The following ANKRD12 variants were observed in gnomAD, a reference collection of about 807,000 sequenced individuals.
ANKRD12 encodes the protein ankyrin repeat domain-containing protein 12.
In ANKRD12, 85 loss-of-function variants were observed where a neutral mutation model predicts 183.4. That is an observed-to-expected ratio of 0.46 (90% CI 0.39 to 0.56). The LOEUF is 0.56. Ranked by LOEUF, ANKRD12 falls within the 20% of genes least tolerant of loss-of-function variation. ANKRD12 has a pLI of 0.00. For synonymous variants in ANKRD12, 914 were observed against 800.2 expected (o/e 1.14, Z -2.40); for missense variants, 2,405 against 2,357.1 (o/e 1.02, Z -0.42).
chr18:9,198,835 C>T (rs2035000017), intron 3 of ANKRD12, among the ~76,000 whole-genome samples: 1 of 152,126 alleles, frequency 6.6e-6, no homozygotes, highest in Non-Finnish European at 1.5e-5. Context: ...AGTGAGCCAA[C>T]ATGCCTGGCC....
chr18:9,169,574 C>T (rs1160343441), intron 1 of ANKRD12, among the ~76,000 whole-genome samples: 2 of 152,142 alleles, frequency 1.3e-5, no homozygotes, highest in East Asian at 3.8e-4. Flanking sequence ...GGTAGATCTT[C>T]CTCCATCCCT....
At position 9,159,590 on chromosome 18, in the gene ANKRD12, C is replaced by A. The variant is rs2031106335; in HGVS notation, c.-52+22625C>A. Among the ~76,000 whole-genome samples, 3 of 109,704 alleles carry A rather than the reference C, an allele frequency of 2.7e-5. No homozygotes were observed. The Admixed American group carries it at 2.9e-4, about 11-fold the overall frequency. The allele number at this position is 109,704 out of a possible 152,430, so 72.0% of individuals were successfully genotyped here. A position where few individuals can be genotyped will look rare whatever the true frequency, so the allele number is the denominator to read the frequency against. On this transcript the variant is annotated intron_variant, in intron 1 of 12. Coordinates refer to ENST00000262126, the MANE Select transcript of ANKRD12 (RefSeq NM_015208.5). ...GGGACTACAGGCGCCTGCCACCACG[C>A]CTGGCTAAATTTTTTTTTTTTTGTA...
chr18:9,255,641 G>A lies in ANKRD12; in HGVS notation c.2374G>A (p.Ala792Thr). The stretch of plus-strand genomic sequence containing the variant: ...AGAATTTACTTCTTTGGGTATGAGT[G>A]CCATTGAGGAATCTATAGGGCTTCA... ...DSEFTSLGMS[A>T]IEESIGLHLV... is the part of the protein sequence containing the mutation. The change falls in exon 9 of 13, where the codon GCC becomes ACC. Residue 792 changes from alanine (A) to threonine (T), a missense_variant. By Grantham distance (58) the Ala-to-Thr change is moderately conservative (BLOSUM62 0). This residue lies in a region of ANKRD12 where 1,983 missense variants were observed against 1,725.9 expected (regional missense o/e 1.15). Coordinates refer to ENST00000262126, the MANE Select transcript of ANKRD12 (RefSeq NM_015208.5). 1 of 1,576,762 alleles carries A rather than the reference G, an allele frequency of 6.3e-7. No individual in the cohort carries two copies. The highest frequency in any genetic ancestry group is 8.5e-7 in the Non-Finnish European group (1 of 1,170,494).
rs1449986379 is a variant in ANKRD12, at chr18:9,258,834, T to C, written c.5567T>C (p.Val1856Ala). 2 of 1,613,842 alleles carry C rather than the reference T, an allele frequency of 1.2e-6. No homozygotes were observed. Among genetic ancestry groups the C allele is most frequent in the Non-Finnish European group, 1.7e-6 (2 of 1,179,874 alleles). ...IEEKRKLLCS[V>A]IPQAPQYYDE... ...GAAAAACGCAAATTACTGTGTAGTGTGATTCCTCAAGCACCTCAGTACTAT... is the reference window on the plus strand; with the variant it reads ...GAAAAACGCAAATTACTGTGTAGTGCGATTCCTCAAGCACCTCAGTACTAT... Residue 1856 changes from valine (V) to alanine (A), a missense_variant, in exon 9 of 13, where the codon GTG becomes GCG. Transcript: ENST00000262126.
chr18:9,163,400 G>GT (rs2031674157), intron 1 of ANKRD12, among the ~76,000 whole-genome samples: 1 of 152,184 alleles, frequency 6.6e-6, no homozygotes, highest in African/African-American at 2.4e-5. Context: ...CCATTGGTCT[G>GT]TGTGTCTGTT....
chr18:9,202,164 A>T (rs2035211450), intron 3 of ANKRD12, among the ~76,000 whole-genome samples: 1 of 152,202 alleles, frequency 6.6e-6, no homozygotes, highest in African/African-American at 2.4e-5. Context: ...TTATGAGAAA[A>T]TTCAGAGAAC....
intron 1 of ANKRD12, among the ~76,000 whole-genome samples, chr18:9,142,089 A>G (rs768945459): frequency 1.3e-5 from 2 of 152,080 alleles, no homozygotes; most frequent in Non-Finnish European, 2.9e-5. Flanking sequence ...AACAATAGCA[A>G]AGAGTTACAA....
intron 5 of ANKRD12, among the ~76,000 whole-genome samples, chr18:9,210,539 G>T (rs182136060): frequency 0.014 from 2,135 of 151,710 alleles, 52 homozygotes; most frequent in African/African-American, 0.05. Flanking sequence ...TGGCCAACAT[G>T]GTGAAACCCT....
chr18:9,207,597 A>G (rs1318981764), intron 4 of ANKRD12, among the ~76,000 whole-genome samples: 2 of 152,098 alleles, frequency 1.3e-5, no homozygotes, highest in Non-Finnish European at 2.9e-5. Context: ...CTTTTCTTTT[A>G]GAGTATTTTA....
chr18:9,216,867 AC>A lies in ANKRD12; in HGVS notation c.763del (p.Leu255SerfsTer12). The A allele has an allele frequency of 6.2e-7, 1 of 1,613,452 alleles. No homozygotes were observed. The part of the protein sequence containing the change: ...NTQGLDDDTP[L>X]HDSASSGHRD... Reference sequence around the variant, plus strand: ...CACAAGGATTAGATGATGACACTCCACTCCATGATTCTGCTAGTAGTGGGCA... The same window carrying A: ...CACAAGGATTAGATGATGACACTCCATCCATGATTCTGCTAGTAGTGGGCA... On this transcript the variant is annotated frameshift_variant, in exon 7 of 13. Coordinates refer to ENST00000262126, the MANE Select transcript of ANKRD12 (RefSeq NM_015208.5). LOFTEE classifies it high-confidence loss of function.
intron 1 of ANKRD12, among the ~76,000 whole-genome samples, chr18:9,173,561 A>G (rs1334572886): frequency 4.3e-5 from 6 of 139,414 alleles, no homozygotes; most frequent in Non-Finnish European, 7.6e-5. Context: ...AGGCTGTGAA[A>G]CAGCTAAGAT....
At chr18:9,270,313 C>T (rs1053523220) in intron 10 of ANKRD12, among the ~76,000 whole-genome samples, 4 of 152,104 alleles carry the variant, frequency 2.6e-5, no homozygotes, top group African/African-American at 2.4e-5. Flanking sequence ...CACATGCACA[C>T]GTATGTTTAT....
chr18:9,279,377 C>T (rs1192625806), intron 11 of ANKRD12, among the ~76,000 whole-genome samples, 172 bp from the exon 12 acceptor site: 1 of 152,106 alleles, frequency 6.6e-6, no homozygotes, highest in African/African-American at 2.4e-5. Flanking sequence ...AATCTGTCTA[C>T]ACAATGTGGA....
chr18:9,222,187 T>A (rs1407360565), intron 8 of ANKRD12, among the ~76,000 whole-genome samples, 188 bp downstream of exon 8: 1 of 152,190 alleles, frequency 6.6e-6, no homozygotes, highest in East Asian at 1.9e-4. Context: ...ATATACCCTG[T>A]GTGAATGAAG....
intron 11 of ANKRD12, among the ~76,000 whole-genome samples, 184 bp downstream of exon 11, chr18:9,275,851 A>G (rs1331417191): frequency 1.3e-5 from 2 of 152,248 alleles, no homozygotes; most frequent in East Asian, 3.8e-4. Flanking sequence ...AAAGCACTGT[A>G]AACATTAGGT....
At chr18:9,217,141 T>C (rs577992456) in intron 7 of ANKRD12, among the ~76,000 whole-genome samples, 14 of 152,352 alleles carry the variant, frequency 9.2e-5, no homozygotes, top group Admixed American at 6.5e-4. Context: ...GCAAAATTTT[T>C]ATTTCAAGGC....
At chr18:9,265,114 A>G (rs1231720403) in intron 10 of ANKRD12, among the ~76,000 whole-genome samples, 1 of 152,242 alleles carries the variant, frequency 6.6e-6, no homozygotes, top group Non-Finnish European at 1.5e-5. Context: ...GAGTAGGTGA[A>G]CAAAGTGGCC....
At chr18:9,148,490 T>C (rs2078568537) in intron 1 of ANKRD12, among the ~76,000 whole-genome samples, 1 of 152,242 alleles carries the variant, frequency 6.6e-6, no homozygotes, top group South Asian at 2.1e-4. Context: ...CTTGTAAATA[T>C]TTAATGAAGT....
chr18:9,178,308 G>A (rs7238828), intron 1 of ANKRD12, among the ~76,000 whole-genome samples: 24,112 of 146,030 alleles, frequency 0.17, 2,423 homozygotes, highest in South Asian at 0.47. Flanking sequence ...GTGGAGTGAG[G>A]TAAGGATCAA....
Sources: gnomAD v4.1 joint callset for allele counts (sites outside exome capture counted in the v4.1 genomes callset) on GRCh38, gnomAD v4.1.1 for gene constraint, gnomAD v4.1.1 regional missense constraint, MANE v1.5 for transcripts, NCBI Gene and HGNC (gene_info 2026-07-23, HGNC 2026-07-21) for gene names.